Variants in ERI1 observed in about 807,000 individuals in gnomAD.
ERI1 encodes the protein 3'-5' exoribonuclease 1.
Under a neutral mutation model 39.7 loss-of-function variants are expected in ERI1, and 39 were observed. The observed-to-expected ratio is 0.98, with a 90% confidence interval of 0.76 to 1.28. The LOEUF is 1.28. ERI1 is among the 50% of genes most tolerant of loss of function. ERI1 has a pLI of 0.00. For synonymous variants in ERI1, 204 were observed against 149.6 expected (o/e 1.36, Z -2.65); for missense variants, 581 against 416.9 (o/e 1.39, Z -3.43).
intron 3 of ERI1, chr8:9,088,433 C>A (rs182304955): frequency 1.3e-5 from 2 of 152,172 alleles, no homozygotes; most frequent in Non-Finnish European, 2.9e-5. Context: ...TCTGCTAAAG[C>A]TCTCGACATT....
In ERI1 at chr8:9,066,203, C is replaced by T. The variant is rs533459116; in HGVS notation, n.299+45739C>T. ...TCTTCCTCTTCTTTGTCCTCCTTAT[C>T]GTCAGCCTCATCTCCCCATTTTCTT... On this transcript the variant is annotated intron_variant and non_coding_transcript_variant, in intron 3 of 3. Transcript: ENST00000518663. Among the ~76,000 whole-genome samples the T allele has an allele frequency of 6.6e-4, 100 of 152,276 alleles. 1 individual carries two copies. Among genetic ancestry groups the T allele is most frequent in the African/African-American group, 1.9e-3 (81 of 41,554 alleles).
intron 1 of ERI1, 28 bp downstream of exon 1, chr8:9,003,199 T>G (rs28510464): frequency 0.31 from 373,335 of 1,220,518 alleles, 59,357 homozygotes; most frequent in African/African-American, 0.43. Flanking sequence ...GCCTGGCTGT[T>G]GGCGCCAGCT....
At chr8:9,023,434 G>T (rs533180377) in intron 6 of ERI1, among the ~76,000 whole-genome samples, 1 of 152,096 alleles carries the variant, frequency 6.6e-6, no homozygotes, top group Non-Finnish European at 1.5e-5. Context: ...ATAATTTTCA[G>T]TCAGTTATGC....
chr8:9,099,566 G>C (rs1340680889), intron 3 of ERI1, among the ~76,000 whole-genome samples: 1 of 147,110 alleles, frequency 6.8e-6, no homozygotes, highest in African/African-American at 2.5e-5. Flanking sequence ...TTGCAATCCA[G>C]CCTGGGCAAT....
intron 2 of ERI1, among the ~76,000 whole-genome samples, chr8:9,010,755 T>C (rs1185443268): frequency 6.6e-6 from 1 of 152,194 alleles, no homozygotes. Context: ...AAAATACATA[T>C]TGTTTAAAGA....
downstream of ERI1, among the ~76,000 whole-genome samples, chr8:9,033,905 G>A (rs1349736090): frequency 1.3e-5 from 2 of 152,216 alleles, no homozygotes; most frequent in Non-Finnish European, 2.9e-5. Flanking sequence ...TGTACTAAAT[G>A]TTGCAAATCA....
At chr8:9,074,174 A>G (rs975298365) in intron 3 of ERI1, among the ~76,000 whole-genome samples, 1 of 151,822 alleles carries the variant, frequency 6.6e-6, no homozygotes, top group African/African-American at 2.4e-5. Context: ...ATGGTGGTGC[A>G]ATCTCGGCTC....
chr8:9,076,502 T>C (rs1318930015), intron 3 of ERI1, among the ~76,000 whole-genome samples: 1 of 152,216 alleles, frequency 6.6e-6, no homozygotes, highest in Non-Finnish European at 1.5e-5. Flanking sequence ...CATCTGGGCC[T>C]TGAACTTGAC....
chr8:9,027,138 TG>T (rs1276459483), intron 6 of ERI1, among the ~76,000 whole-genome samples: 23 of 127,906 alleles, frequency 1.8e-4, no homozygotes, highest in African/African-American at 7.8e-4. Context: ...TATTTTCTGG[TG>T]TGTGTGTGTA....
chr8:9,011,445 G>C (rs1816656579), intron 2 of ERI1, 97 bp from the exon 3 acceptor site: 11 of 667,282 alleles, frequency 1.6e-5, no homozygotes, highest in Middle Eastern at 4.2e-4. Context: ...AAATTTCGCT[G>C]TGATTGTCAG....
downstream of ERI1, among the ~76,000 whole-genome samples, chr8:9,034,763 G>T (rs539391884): frequency 2.6e-5 from 4 of 152,138 alleles, no homozygotes; most frequent in Non-Finnish European, 5.9e-5. Flanking sequence ...AACTAGAAAT[G>T]ATTAATCTTA....
intron 6 of ERI1, among the ~76,000 whole-genome samples, chr8:9,024,315 AC>A (rs1818237791): frequency 6.6e-6 from 1 of 152,194 alleles, no homozygotes. Flanking sequence ...GAAATCCCAA[AC>A]TTTCTTTGTG....
rs183273578 is a variant in ERI1, at chr8:9,016,288, T to C, written c.499-34T>C. On this transcript the variant is annotated intron_variant, in intron 3 of 6. Coordinates refer to ENST00000250263, the MANE Select transcript of ERI1 (RefSeq NM_153332.4). ...CATGTATCGTGTATCTTAACTCATA[T>C]AAATTACTTTAACTTGCTATCCTTC... 8 of 1,392,576 alleles carry C rather than the reference T, an allele frequency of 5.7e-6. No homozygotes were observed. In the Admixed American group the frequency reaches 1.3e-4, roughly 23 times the overall value. 86.3% of individuals were successfully genotyped at this position (1,392,576 alleles called of 1,614,324 possible).
chr8:9,032,772 G>C lies in ERI1; in HGVS notation c.*2738G>C, dbSNP rs1245270989. On this transcript the variant is annotated 3_prime_UTR_variant, in exon 7 of 7. Transcript: ENST00000250263. Reference sequence around the variant, plus strand: ...AAAAACTGGTATGATTACTGGGGAGGGGAAGAAGCACAGGTGGTCAAGATA... The same window carrying C: ...AAAAACTGGTATGATTACTGGGGAGCGGAAGAAGCACAGGTGGTCAAGATA... The C allele has an allele frequency of 3.3e-5, 5 of 152,274 alleles. No homozygotes were observed. In the East Asian group the frequency reaches 5.8e-4, roughly 18 times the overall value. 9.4% of individuals were successfully genotyped at this position (152,274 alleles called of 1,614,324 possible).
chr8:9,011,745 T>C lies in ERI1; in HGVS notation c.491T>C (p.Leu164Ser), dbSNP rs761874392. The C allele has an allele frequency of 5.7e-6, 9 of 1,592,642 alleles. No individual in the cohort carries two copies. In the East Asian group the frequency reaches 1.8e-4, roughly 32 times the overall value. The change falls in exon 3 of 7, where the codon TTA becomes TCA. Residue 164 changes from leucine to serine, a missense_variant. Leu to Ser is a moderately radical substitution (Grantham distance 145). Coordinates refer to ENST00000250263, the MANE Select transcript of ERI1 (RefSeq NM_153332.4). ...GTTGTTTTACTGAATACGCATACTT[T>C]AGAAATAGTAAGTGAATTTTTGTAT... The part of the protein sequence containing the change: ...FPVVLLNTHT[L>S]EIEDTFQQYV...
chr8:9,043,460 G>A (rs1425462066), intron 3 of ERI1, among the ~76,000 whole-genome samples: 1 of 152,236 alleles, frequency 6.6e-6, no homozygotes, highest in Non-Finnish European at 1.5e-5. Context: ...CTCAGAGGAA[G>A]TGGTGGTTCT....
At chr8:9,083,918 T>C (rs1198765953) in intron 3 of ERI1, among the ~76,000 whole-genome samples, 1 of 152,068 alleles carries the variant, frequency 6.6e-6, no homozygotes, top group East Asian at 1.9e-4. Context: ...CTCAGCCTCC[T>C]GAGTAGCTGG....
intron 3 of ERI1, among the ~76,000 whole-genome samples, chr8:9,054,365 C>T (rs1220847962): frequency 2.0e-5 from 3 of 152,186 alleles, no homozygotes; most frequent in Admixed American, 6.5e-5. Context: ...TACATTTCTT[C>T]TCTTTTTTAT....
intron 3 of ERI1, among the ~76,000 whole-genome samples, chr8:9,089,527 G>T (rs2117473028): frequency 6.6e-6 from 1 of 152,304 alleles, no homozygotes; most frequent in Non-Finnish European, 1.5e-5. Context: ...CCTAGATGAT[G>T]CAAACTTCAG....
Sources: gnomAD v4.1 joint callset for allele counts (sites outside exome capture counted in the v4.1 genomes callset) on GRCh38, gnomAD v4.1.1 for gene constraint, MANE v1.5 for transcripts, NCBI Gene and HGNC (gene_info 2026-07-23, HGNC 2026-07-21) for gene names.